Variants in NALF1 observed in about 807,000 individuals in gnomAD.
NALF1 encodes the protein family with sequence similarity 155 member A.
Under a neutral mutation model 48.4 loss-of-function variants are expected in NALF1, and 3 were observed. The ratio of observed to expected loss-of-function variants is 0.06; its 90% CI spans 0.03 to 0.16. NALF1 has a LOEUF of 0.16. Ranked by LOEUF, NALF1 falls within the 10% of genes least tolerant of loss-of-function variation. The pLI is 1.00. For synonymous variants in NALF1, 262 were observed against 245.7 expected (o/e 1.07, Z -0.62); for missense variants, 526 against 571.5 (o/e 0.92, Z 0.81).
At chr13:107,628,566 C>T (rs899460868) in intron 1 of NALF1, among the ~76,000 whole-genome samples, 4 of 152,086 alleles carry the variant, frequency 2.6e-5, no homozygotes, top group African/African-American at 9.7e-5. Context: ...CACAGATAAG[C>T]GTGAGCAATA....
intron 1 of NALF1, among the ~76,000 whole-genome samples, chr13:107,843,906 C>T (rs138140911): frequency 6.6e-6 from 1 of 152,200 alleles, no homozygotes; most frequent in Admixed American, 6.5e-5. Flanking sequence ...GTAACATAGA[C>T]GTTGCCCCTA....
At chr13:107,179,686 A>C (rs75081378) in intron 2 of NALF1, among the ~76,000 whole-genome samples, 1 of 150,420 alleles carries the variant, frequency 6.6e-6, no homozygotes, top group African/African-American at 2.5e-5. Flanking sequence ...AAAAAAAAAA[A>C]CCACAGCAGA....
At chr13:107,636,159 A>T (rs1323669893) in intron 1 of NALF1, among the ~76,000 whole-genome samples, 1 of 152,114 alleles carries the variant, frequency 6.6e-6, no homozygotes, top group Non-Finnish European at 1.5e-5. Context: ...AAGAAGCATG[A>T]AGCAGGTGAA....
In NALF1 at chr13:107,362,667, G is replaced by C. The variant is rs2138956520; in HGVS notation, c.916-151912C>G. ...CACATTAACAGATTCTGGGAGTTAG[G>C]ACCTCAACATATTTTGCTGGGGGGA... is the stretch of plus-strand genomic sequence containing the variant. On this transcript the variant is annotated intron_variant, in intron 1 of 2. Coordinates refer to ENST00000375915, the MANE Select transcript of NALF1 (RefSeq NM_001080396.3). This position sits in a 1 kb window ranked among gnomAD's most constrained non-coding sequence, Gnocchi z 4.6. 6.6e-6 allele frequency among the ~76,000 whole-genome samples: 1 copy of C among 151,758 alleles called. No homozygotes were observed. Among genetic ancestry groups the C allele is most frequent in the Admixed American group, 6.6e-5 (1 of 15,258 alleles).
intron 1 of NALF1, among the ~76,000 whole-genome samples, chr13:107,577,991 TC>T (rs1878201450): frequency 6.6e-6 from 1 of 152,148 alleles, no homozygotes; most frequent in Admixed American, 6.5e-5. Flanking sequence ...CCTTTGAGAT[TC>T]CATTCATCTA....
rs117402131 is a variant in NALF1 at position 107,861,655 on chromosome 13, G to A, written c.915+4027C>T. Among the ~76,000 whole-genome samples the A allele has an allele frequency of 3.9e-5, 6 of 152,118 alleles. No homozygotes were observed. In the East Asian group the frequency reaches 5.9e-4, roughly 15 times the overall value. ...AAAAATTAGCTAGGCGTGGTGGCGCGCACCTGTAGTCCCAGCTACGAGGGA... is the reference window on the plus strand; with the variant it reads ...AAAAATTAGCTAGGCGTGGTGGCGCACACCTGTAGTCCCAGCTACGAGGGA... On this transcript the variant is annotated intron_variant, in intron 1 of 2. Transcript: ENST00000375915.
At chr13:107,438,756 C>T (rs373185651) in intron 1 of NALF1, among the ~76,000 whole-genome samples, 9 of 132,980 alleles carry the variant, frequency 6.8e-5, no homozygotes, top group South Asian at 2.5e-4. Context: ...ACCCAGGAGG[C>T]GGAGTTTGCA....
chr13:107,543,706 T>TAC (rs888876525), intron 1 of NALF1, among the ~76,000 whole-genome samples: 15 of 152,026 alleles, frequency 9.9e-5, no homozygotes, highest in African/African-American at 2.9e-4. Flanking sequence ...CGTATATATA[T>TAC]ACACACACAC....
chr13:107,336,738 T>C (rs1261361298), intron 1 of NALF1, among the ~76,000 whole-genome samples: 2 of 152,198 alleles, frequency 1.3e-5, no homozygotes, highest in African/African-American at 4.8e-5. Context: ...GAAATGATCC[T>C]GAAAATAATC....
chr13:107,230,281 A>C, intron 1 of NALF1, among the ~76,000 whole-genome samples: 1 of 152,296 alleles, frequency 6.6e-6, no homozygotes, highest in Middle Eastern at 3.4e-3. Flanking sequence ...GATTTTAAAC[A>C]GGAAGAAAAA....
chr13:107,265,611 G>C (rs1442990792), intron 1 of NALF1, among the ~76,000 whole-genome samples: 1 of 151,942 alleles, frequency 6.6e-6, no homozygotes, highest in Non-Finnish European at 1.5e-5. Context: ...TCACTATGTT[G>C]GCCAAGCTGG....
intron 1 of NALF1, among the ~76,000 whole-genome samples, chr13:107,686,295 T>G (rs911673820): frequency 6.6e-6 from 1 of 152,220 alleles, no homozygotes; most frequent in Non-Finnish European, 1.5e-5. Context: ...CAATTTCACA[T>G]GATTGAAAGT....
At position 107,167,843 on chromosome 13, in the gene NALF1, C is replaced by T. The variant is rs1227702229; in HGVS notation, c.*2654G>A. On this transcript the variant is annotated 3_prime_UTR_variant, in exon 3 of 3. Transcript: ENST00000375915. ...TCCACCTTTTGGTTGGCATTATCTC[C>T]AAACAAACGCTAAAACACGGGTAAG... 6.6e-6 allele frequency: 1 copy of T among 152,122 alleles called. No individual in the cohort carries two copies. Among genetic ancestry groups the T allele is most frequent in the East Asian group, 1.9e-4 (1 of 5,182 alleles). 9.4% of individuals were successfully genotyped at this position (152,122 alleles called of 1,614,324 possible).
At chr13:107,190,145 C>A (rs879861068) in intron 2 of NALF1, among the ~76,000 whole-genome samples, 3 of 152,126 alleles carry the variant, frequency 2.0e-5, no homozygotes, top group Non-Finnish European at 4.4e-5. Flanking sequence ...TCCTTGGTAA[C>A]TACAACTCTG....
At chr13:107,835,932 G>C (rs2138631109) in intron 1 of NALF1, among the ~76,000 whole-genome samples, 1 of 152,254 alleles carries the variant, frequency 6.6e-6, no homozygotes, top group South Asian at 2.1e-4. Context: ...TCTTGGGCAA[G>C]GACCCAGGAA....
chr13:107,190,918 A>G (rs1164579848), intron 2 of NALF1, among the ~76,000 whole-genome samples: 2 of 152,236 alleles, frequency 1.3e-5, no homozygotes, highest in Non-Finnish European at 2.9e-5. Context: ...TCATTTGAAG[A>G]GGATACTATT....
chr13:107,374,168 T>C (rs1883296144), intron 1 of NALF1, among the ~76,000 whole-genome samples: 1 of 152,222 alleles, frequency 6.6e-6, no homozygotes, highest in Non-Finnish European at 1.5e-5. Context: ...TCTACTTTCC[T>C]ACGCAAGTAC....
In NALF1 at chr13:107,648,128, C is replaced by T. The variant is rs116413765; in HGVS notation, c.915+217554G>A. Among the ~76,000 whole-genome samples the T allele has an allele frequency of 1.5e-3, 235 of 152,194 alleles. 2 individuals are homozygous for T. Among genetic ancestry groups the T allele is most frequent in the African/African-American group, 5.2e-3 (216 of 41,524 alleles). ...ATATGTCACCCCCCATACACATCTCCCTTGTTGTCATCTCACTACATTTGT... is the reference window on the plus strand; with the variant it reads ...ATATGTCACCCCCCATACACATCTCTCTTGTTGTCATCTCACTACATTTGT... On this transcript the variant is annotated intron_variant, in intron 1 of 2. Transcript: ENST00000375915.
chr13:107,261,784 AT>A, intron 1 of NALF1, among the ~76,000 whole-genome samples: 1 of 152,308 alleles, frequency 6.6e-6, no homozygotes, highest in Admixed American at 6.5e-5. Flanking sequence ...CTGCCTCTAG[AT>A]TTCCAGTTAC....
Sources: gnomAD v4.1 joint callset for allele counts (sites outside exome capture counted in the v4.1 genomes callset) on GRCh38, gnomAD v4.1.1 for gene constraint, Gnocchi (gnomAD v3.1) non-coding constraint, MANE v1.5 for transcripts, NCBI Gene and HGNC (gene_info 2026-07-23, HGNC 2026-07-21) for gene names.